Variants in UHRF1 observed in about 807,000 individuals in gnomAD.
UHRF1 encodes ubiquitin like with PHD and ring finger domains 1.
Under a neutral mutation model 96.5 loss-of-function variants are expected in UHRF1, and 9 were observed. The observed-to-expected ratio is 0.09, with a 90% CI of 0.06 to 0.16. The LOEUF (loss-of-function observed/expected upper bound fraction) is 0.16. Ranked by LOEUF, UHRF1 falls within the 10% of genes least tolerant of loss-of-function variation. The pLI is 1.00. For missense variants in UHRF1, 626 were observed against 1,131.1 expected (o/e 0.55, Z 6.40); for synonymous variants, 455 against 469.9 (o/e 0.97, Z 0.41).
rs2033799495 is a variant in UHRF1 at position 4,954,474 on chromosome 19, A to G, written c.1943A>G (p.Lys648Arg). The part of the protein sequence containing the change: ...ASPRTGKGKW[K>R]RKSAGGGPSR... ...CCCAGGACGGGCAAGGGCAAGTGGA[A>G]GCGGAAGTCGGCAGGTGAGAATCTC... Residue 648 changes from lysine (K) to arginine (R), a missense_variant, in exon 14 of 17, where the codon AAG becomes AGG. This residue lies in a region of UHRF1 where 90 missense variants were observed against 94.7 expected (regional missense o/e 0.95). Transcript: ENST00000650932. This position sits in a 1 kb window ranked among gnomAD's most constrained non-coding sequence, Gnocchi z 5.9. The G allele has an allele frequency of 1.9e-6, 3 of 1,609,368 alleles. No homozygotes were observed. In the South Asian group the frequency reaches 3.3e-5, roughly 18 times the overall value.
chr19:4,951,887 G>T (rs2033727813), intron 13 of UHRF1, among the ~76,000 whole-genome samples: 1 of 152,122 alleles, frequency 6.6e-6, no homozygotes, highest in Admixed American at 6.6e-5. Flanking sequence ...TCTGTCCATT[G>T]CAGGGAGAAG....
Position 4,935,727 on chromosome 19 carries a change from A to G in UHRF1, c.785+2771A>G, listed in dbSNP as rs73921810. 9.8e-3 allele frequency among the ~76,000 whole-genome samples: 1,497 copies of G among 152,212 alleles called. 31 individuals carry two copies. Among genetic ancestry groups the G allele is most frequent in the African/African-American group, 0.034 (1,416 of 41,528 alleles). ...GATGTGTCATCGTCCCAGGAGTGAC[A>G]GTCCGTCAGCTCTGCTGTATTTTAT... On this transcript the variant is annotated intron_variant, in intron 5 of 16. Transcript: ENST00000650932.
At position 4,945,983 on chromosome 19, in the gene UHRF1, A is replaced by AG; in HGVS notation, c.1410+22dup. The AG allele has an allele frequency of 2.1e-6, 1 of 470,892 alleles. No individual in the cohort carries two copies. Among genetic ancestry groups the AG allele is most frequent in the Non-Finnish European group, 3.7e-6 (1 of 271,374 alleles). The allele number at this position is 470,892 out of a possible 1,614,324, so 29.2% of individuals were successfully genotyped here. On this transcript the variant is annotated intron_variant, in intron 10 of 16. Coordinates refer to ENST00000650932, the MANE Select transcript of UHRF1 (RefSeq NM_001048201.3). ...ATGATGTGGTGAGTGTGTGTGTGGGAGGGGTGGGGGAGGGTTGCTCTAGTT... is the reference window on the plus strand; with the variant it reads ...ATGATGTGGTGAGTGTGTGTGTGGGAGGGGGTGGGGGAGGGTTGCTCTAGTT...
At chr19:4,924,395 C>T (rs1314000991) in intron 2 of UHRF1, among the ~76,000 whole-genome samples, 3 of 152,094 alleles carry the variant, frequency 2.0e-5, no homozygotes, top group Non-Finnish European at 4.4e-5. Flanking sequence ...ATGATCCACC[C>T]GCCTCGGCCT....
At chr19:4,946,209 G>A (rs1216864659) in intron 10 of UHRF1, among the ~76,000 whole-genome samples, 3 of 151,768 alleles carry the variant, frequency 2.0e-5, no homozygotes, top group East Asian at 1.9e-4. Context: ...CCCTGGCACC[G>A]CCCAACCTGG....
chr19:4,950,625 A>G lies in UHRF1; in HGVS notation c.1532A>G (p.Asn511Ser). ...LTNTNRALALNCFAPINDQEG... is the reference protein window; with the variant it reads ...LTNTNRALALSCFAPINDQEG... ...TCTCCCTGCAGGGCGCTGGCTCTCA[A>G]CTGCTTTGCTCCCATCAATGACCAA... Residue 511 changes from asparagine (N) to serine (S), a missense_variant, in exon 12 of 17, where the codon AAC (asparagine) becomes AGC (serine). Transcript: ENST00000650932. 1 of 1,612,138 alleles carries G rather than the reference A, an allele frequency of 6.2e-7. No homozygotes were observed. The highest frequency in any genetic ancestry group is 8.5e-7 in the Non-Finnish European group (1 of 1,179,630).
In UHRF1 at chr19:4,930,817, C is replaced by T. The variant is rs371293961; in HGVS notation, c.510C>T (p.Cys170=). 6.2e-7 allele frequency: 1 copy of T among 1,613,974 alleles called. No individual in the cohort carries two copies. Reference sequence around the variant, plus strand: ...AGGCCCCCTCCCGGGACGAGCCCTGCAGCTCCACGTCCAGGCCGGCGCTGG... The same window carrying T: ...AGGCCCCCTCCCGGGACGAGCCCTGTAGCTCCACGTCCAGGCCGGCGCTGG... ...TRKAPSRDEP[C]SSTSRPALEE... Residue 170 remains cysteine, a synonymous_variant, in exon 4 of 17, where the codon TGC becomes TGT. Coordinates refer to ENST00000650932, the MANE Select transcript of UHRF1 (RefSeq NM_001048201.3). This position sits in a 1 kb window ranked among gnomAD's most constrained non-coding sequence, Gnocchi z 4.4.
Position 4,961,097 on chromosome 19 carries a change from G to C in UHRF1, c.*294G>C. On this transcript the variant is annotated 3_prime_UTR_variant, in exon 17 of 17. Coordinates refer to ENST00000650932, the MANE Select transcript of UHRF1 (RefSeq NM_001048201.3). ...ACAAGATTTTTTAAAGATGGAATCA[G>C]AAACTACGTGGTGTGGAGGCTGTTG... 1 of 121,382 alleles carries C rather than the reference G, an allele frequency of 8.2e-6. No homozygotes were observed. The highest frequency in any genetic ancestry group is 2.8e-4 in the East Asian group (1 of 3,604). The allele number at this position is 121,382 out of a possible 1,614,324, so 7.5% of individuals were successfully genotyped here.
chr19:4,917,993 C>T (rs1340242362), intron 2 of UHRF1, among the ~76,000 whole-genome samples: 1 of 152,028 alleles, frequency 6.6e-6, no homozygotes, highest in East Asian at 1.9e-4. Context: ...TTACAAAATT[C>T]CAAATGTCCA....
intron 16 of UHRF1, among the ~76,000 whole-genome samples, chr19:4,958,854 C>T (rs1272899761): frequency 6.6e-6 from 1 of 151,028 alleles, no homozygotes; most frequent in Non-Finnish European, 1.5e-5. Context: ...AGGTGCTACT[C>T]AGGAGACTGA....
chr19:4,926,312 C>T (rs970734865), intron 2 of UHRF1, among the ~76,000 whole-genome samples: 16 of 152,206 alleles, frequency 1.1e-4, no homozygotes, highest in African/African-American at 3.9e-4. Context: ...ATCCGTGCCA[C>T]CTCTCCCCAA....
rs371880515 is a variant in UHRF1, at chr19:4,932,793, G to C, written c.622G>C (p.Ala208Pro). ...QMNSRDVRAR[A>P]RTIIKWQDLE... ...GAACTCCAGGGACGTCCGAGCGCGC[G>C]CCCGCACCATCATCAAGTGGCAGGA... Residue 208 changes from alanine (A) to proline (P), a missense_variant, in exon 5 of 17, where the codon GCC becomes CCC. Ala to Pro is a conservative substitution (Grantham distance 27). Transcript: ENST00000650932. The C allele has an allele frequency of 1.2e-6, 2 of 1,613,854 alleles. No individual in the cohort carries two copies. Among genetic ancestry groups the C allele is most frequent in the Admixed American group, 3.3e-5 (2 of 60,014 alleles).
intron 2 of UHRF1, among the ~76,000 whole-genome samples, chr19:4,914,647 C>A (rs1599240290): frequency 6.6e-6 from 1 of 151,272 alleles, no homozygotes; most frequent in African/African-American, 2.5e-5. Context: ...GCGGCCCCCA[C>A]CCCTCAATCT....
chr19:4,945,741 G>C (rs2033544061), intron 9 of UHRF1, 120 bp from the exon 10 acceptor site: 4 of 764,068 alleles, frequency 5.2e-6, no homozygotes, highest in Non-Finnish European at 9.1e-6. Flanking sequence ...TCGCAGGCCT[G>C]AGGAGTTTGG....
chr19:4,954,404 A>G lies in UHRF1; in HGVS notation c.1873A>G (p.Ser625Gly), dbSNP rs1217505494. The change falls in exon 14 of 17, where the codon AGC (serine) becomes GGC (glycine). Residue 625 changes from serine (S) to glycine (G), a missense_variant. Physicochemically the swap from Ser to Gly is moderately conservative, Grantham distance 56. Around this residue, in one of 11 missense-constraint regions of UHRF1, gnomAD observed 90 missense variants for 94.7 expected, o/e 0.95. Transcript: ENST00000650932. The surrounding 1 kb of genome is among the most constrained non-coding windows in gnomAD (Gnocchi z 5.9). ...CAACCGAGAGCGAGAGAAGGAGAAC[A>G]GCAAGAGGGAGGAGGAGGAGCAGCA... Reference protein sequence around the residue: ...LANREREKENSKREEEEQQEG... With the variant: ...LANREREKENGKREEEEQQEG... 5.6e-6 allele frequency: 9 copies of G among 1,613,730 alleles called. No individual in the cohort carries two copies. Among genetic ancestry groups the G allele is most frequent in the East Asian group, 2.2e-5 (1 of 44,878 alleles).
At chr19:4,903,262 C>A (rs559101837) in exon 1 of UHRF1, 5 of 176,066 alleles carry the variant, frequency 2.8e-5, no homozygotes, top group African/African-American at 9.5e-5. Context: ...TCGTGATCCA[C>A]CCACCTCAGC....
intron 2 of UHRF1, among the ~76,000 whole-genome samples, chr19:4,917,454 G>A (rs961837811): frequency 5.3e-5 from 8 of 151,756 alleles, no homozygotes; most frequent in African/African-American, 1.7e-4. Flanking sequence ...AAGAGATCGA[G>A]ACCATGCTGG....
intron 2 of UHRF1, among the ~76,000 whole-genome samples, chr19:4,911,901 G>A (rs150486622): frequency 2.0e-5 from 3 of 152,250 alleles, no homozygotes; most frequent in Non-Finnish European, 4.4e-5. Flanking sequence ...ATTAAAAGTC[G>A]TCAGTTGAGC....
chr19:4,907,719 T>C (rs2146268176), upstream of UHRF1, among the ~76,000 whole-genome samples: 1 of 146,354 alleles, frequency 6.8e-6, no homozygotes, highest in African/African-American at 2.5e-5. Flanking sequence ...TTTTTTTTTT[T>C]TTTTTTTTTT....
Sources: gnomAD v4.1 joint callset for allele counts (sites outside exome capture counted in the v4.1 genomes callset) on GRCh38, gnomAD v4.1.1 for gene constraint, gnomAD v4.1.1 regional missense constraint, Gnocchi (gnomAD v3.1) non-coding constraint, MANE v1.5 for transcripts, NCBI Gene and HGNC (gene_info 2026-07-23, HGNC 2026-07-21) for gene names.